The following ANO5 variants were observed in gnomAD, a reference collection of about 807,000 sequenced individuals.
The protein encoded by ANO5 is anoctamin 5, also known as anoctamin-5.
In ANO5, 109 loss-of-function variants were observed where a neutral mutation model predicts 121.0. The ratio of observed to expected loss-of-function variants is 0.90; its 90% confidence interval spans 0.77 to 1.06. The LOEUF is 1.06. ANO5 is among the 50% of genes least tolerant of loss of function. ANO5 has a pLI of 0.00. For synonymous variants in ANO5, 406 were observed against 359.9 expected, an observed-to-expected ratio of 1.13 and a Z score of -1.45; for missense variants, 1,064 against 1,078.5, an observed-to-expected ratio of 0.99 and a Z score of 0.19.
At chr11:22,278,032 T>TA (rs1393116463) in intron 21 of ANO5, 13 of 151,834 alleles carry the variant, frequency 8.6e-5, no homozygotes, top group African/African-American at 2.6e-4. Flanking sequence ...TTGTTTTTCT[T>TA]AAAAAAATTT....
At chr11:22,208,814 A>C (rs940524757) in intron 2 of ANO5, among the ~76,000 whole-genome samples, 22 of 151,958 alleles carry the variant, frequency 1.4e-4, no homozygotes, top group African/African-American at 5.3e-4. Flanking sequence ...GCAAAATAAA[A>C]AGTTAAAAAA....
At chr11:22,241,134 G>A (rs967787589) in intron 9 of ANO5, among the ~76,000 whole-genome samples, 1 of 151,568 alleles carries the variant, frequency 6.6e-6, no homozygotes, top group Non-Finnish European at 1.5e-5. Flanking sequence ...CCCAAGTAGT[G>A]AGCATAGTAA....
chr11:22,234,896 C>T (rs575927850), intron 7 of ANO5, among the ~76,000 whole-genome samples: 1 of 152,040 alleles, frequency 6.6e-6, no homozygotes, highest in Non-Finnish European at 1.5e-5. Flanking sequence ...TTTAATTAAG[C>T]TTCTCTTCTC....
chr11:22,275,362 T>C (rs1854800736), intron 20 of ANO5, among the ~76,000 whole-genome samples: 1 of 151,686 alleles, frequency 6.6e-6, no homozygotes, highest in Admixed American at 6.6e-5. Context: ...TTAAACCAGC[T>C]GTTTCATTTG....
chr11:22,211,637 C>T (rs1396176786), intron 3 of ANO5, among the ~76,000 whole-genome samples: 1 of 151,860 alleles, frequency 6.6e-6, no homozygotes, highest in Non-Finnish European at 1.5e-5. Flanking sequence ...TGACTACACT[C>T]AAGTTTCTGA....
chr11:22,257,804 T>C (rs1460248130), intron 14 of ANO5, 50 bp downstream of exon 14: 1 of 1,463,250 alleles, frequency 6.8e-7, no homozygotes, highest in Non-Finnish European at 9.6e-7. Context: ...GGTGATTAAA[T>C]GAGCTATCTC....
intron 1 of ANO5, among the ~76,000 whole-genome samples, chr11:22,196,145 G>A (rs1467468198): frequency 6.6e-6 from 1 of 152,072 alleles, no homozygotes; most frequent in Admixed American, 6.5e-5. Flanking sequence ...AATTTATAAA[G>A]AAAATATTTC....
chr11:22,277,928 AATT>A, intron 21 of ANO5: 1 of 150,582 alleles, frequency 6.6e-6, no homozygotes. Context: ...TCTGAGGAAA[AATT>A]ATGGGCAGTC....
At chr11:22,212,007 T>A (rs1485326756) in intron 3 of ANO5, among the ~76,000 whole-genome samples, 1 of 143,036 alleles carries the variant, frequency 7.0e-6, no homozygotes, top group African/African-American at 2.6e-5. Context: ...TTTTTTTTTT[T>A]ACTACATAAA....
chr11:22,235,154 GT>G (rs201212795), intron 7 of ANO5, among the ~76,000 whole-genome samples: 2 of 150,838 alleles, frequency 1.3e-5, no homozygotes, highest in East Asian at 1.9e-4. Context: ...CTAAATTCAG[GT>G]TTTTTTTTAA....
chr11:22,256,173 C>T (rs1366895928), intron 13 of ANO5, among the ~76,000 whole-genome samples: 1 of 151,952 alleles, frequency 6.6e-6, no homozygotes, highest in African/African-American at 2.4e-5. Flanking sequence ...TCACTTTTTT[C>T]ATGTGAAAAT....
At chr11:22,249,040 C>A (rs1481948576) in intron 9 of ANO5, among the ~76,000 whole-genome samples, 1 of 151,774 alleles carries the variant, frequency 6.6e-6, no homozygotes, top group East Asian at 1.9e-4. Flanking sequence ...TTGTGAATGG[C>A]AGATTAGCAA....
chr11:22,244,178 G>T (rs1377552880), intron 9 of ANO5, among the ~76,000 whole-genome samples: 1 of 152,078 alleles, frequency 6.6e-6, no homozygotes, highest in Non-Finnish European at 1.5e-5. Flanking sequence ...AGTTTGATGA[G>T]ATATGAAATT....
chr11:22,203,711 C>A (rs1037694223), intron 1 of ANO5, 93 bp from the exon 2 acceptor site: 1 of 729,384 alleles, frequency 1.4e-6, no homozygotes, highest in Non-Finnish European at 2.3e-6. Flanking sequence ...TTTTTTAATT[C>A]ATTCAATTCC....
At chr11:22,253,891 G>C (rs1853908247) in intron 12 of ANO5, among the ~76,000 whole-genome samples, 2 of 152,000 alleles carry the variant, frequency 1.3e-5, no homozygotes. Context: ...TGGTTACCAG[G>C]GCTGGACGAT....
intron 5 of ANO5, among the ~76,000 whole-genome samples, chr11:22,222,757 A>G (rs1852695918): frequency 6.9e-6 from 1 of 144,054 alleles, no homozygotes. Context: ...CACATGCAGA[A>G]AGGAAAACTT....
chr11:22,211,995 C>CT (rs5790243), intron 3 of ANO5, among the ~76,000 whole-genome samples: 56 of 149,224 alleles, frequency 3.8e-4, no homozygotes, highest in East Asian at 1.8e-3. Flanking sequence ...TTTATTTTTA[C>CT]TTTTTTTTTT....
In ANO5 at chr11:22,255,764, G is replaced by A. The variant is rs139317569; in HGVS notation, c.1332+242G>A. On this transcript the variant is annotated intron_variant, in intron 13 of 21. Transcript: ENST00000324559. ...GAAAAATATAATGAACTACATGGAT[G>A]AACCCATCACTCAGAATGAATCGTT... Among the ~76,000 whole-genome samples, 1,431 of 152,138 alleles carry A rather than the reference G, an allele frequency of 9.4e-3. 22 individuals carry two copies. The highest frequency in any genetic ancestry group is 0.032 in the African/African-American group (1,346 of 41,514).
At chr11:22,228,370 T>C (rs1852917270) in intron 7 of ANO5, among the ~76,000 whole-genome samples, 1 of 151,934 alleles carries the variant, frequency 6.6e-6, no homozygotes, top group African/African-American at 2.4e-5. Flanking sequence ...AAATTTATGA[T>C]TGACACATAA....
Sources: allele counts gnomAD v4.1 joint callset (sites outside exome capture counted in the v4.1 genomes callset), GRCh38; gene constraint gnomAD v4.1.1; transcripts MANE v1.5; gene names NCBI Gene and HGNC (gene_info 2026-07-23, HGNC 2026-07-21).